MAPK6: variants seen among roughly 807,000 people sequenced by gnomAD.
The protein encoded by MAPK6 is mitogen-activated protein kinase 6.
In MAPK6, 19 loss-of-function variants were observed where a neutral mutation model predicts 59.3. That is an observed-to-expected ratio of 0.32 (90% CI 0.22 to 0.47). The LOEUF is 0.47. Ranked by LOEUF, MAPK6 falls within the 20% of genes least tolerant of loss-of-function variation. The pLI is 1.00. For missense variants in MAPK6, 724 were observed against 847.9 expected (o/e 0.85, Z 1.81); for synonymous variants, 316 against 290.3 (o/e 1.09, Z -0.90).
At chr15:52,011,113 T>C (rs973636896) in intron 3 of MAPK6, 1 of 152,220 alleles carries the variant, frequency 6.6e-6, no homozygotes, top group Non-Finnish European at 1.5e-5. Flanking sequence ...ACGAGATACT[T>C]GAGTCACCCT....
rs60965378 is a variant in MAPK6 at position 52,049,351 on chromosome 15, A to ATT, written c.556-618_556-617dup. 4.1e-3 allele frequency among the ~76,000 whole-genome samples: 454 copies of ATT among 109,704 alleles called. 5 individuals are homozygous for ATT. The highest frequency in any genetic ancestry group is 0.015 in the African/African-American group (423 of 28,752). 72.0% of individuals were successfully genotyped at this position (109,704 alleles called of 152,430 possible). A position where few individuals can be genotyped will look rare whatever the true frequency, so the allele number is the denominator to read the frequency against. On this transcript the variant is annotated intron_variant, in intron 2 of 5. Coordinates refer to ENST00000261845, the MANE Select transcript of MAPK6 (RefSeq NM_002748.4). ...TGAATGTGTGGCCTAGAGTTATATA[A>ATT]TTTTTTTTTTTTTTTTTTTTTTTTT...
In MAPK6 at chr15:52,053,603, GTTGA is replaced by G. The variant is rs1195345700; in HGVS notation, c.700+3486_700+3489del. On this transcript the variant is annotated intron_variant, in intron 3 of 5. Transcript: ENST00000261845. ...CTTTTGAAACAAGATTGATTGATTG[GTTGA>G]TTGATTGATTGATTGATTGGTTGAT... Among the ~76,000 whole-genome samples, 11 of 16,654 alleles carry G rather than the reference GTTGA, an allele frequency of 6.6e-4. No homozygotes were observed. The East Asian group carries it at 0.038, about 58-fold the overall frequency. The allele number at this position is 16,654 out of a possible 152,430, so 10.9% of individuals were successfully genotyped here. A position where few individuals can be genotyped will look rare whatever the true frequency, so the allele number is the denominator to read the frequency against.
intron 1 of MAPK6, among the ~76,000 whole-genome samples, chr15:51,978,786 A>G (rs2057164517): frequency 6.6e-6 from 1 of 151,852 alleles, no homozygotes; most frequent in East Asian, 1.9e-4. Context: ...CAACAACCCT[A>G]TAACATAGAT....
chr15:51,975,420 A>G (rs920537104), intron 1 of MAPK6, among the ~76,000 whole-genome samples: 1 of 151,584 alleles, frequency 6.6e-6, no homozygotes, highest in African/African-American at 2.4e-5. Context: ...ATGCACCTGT[A>G]GTCCCAGCTA....
At chr15:52,055,596 A>ACCT (rs1260150420) in intron 3 of MAPK6, among the ~76,000 whole-genome samples, 1 of 151,604 alleles carries the variant, frequency 6.6e-6, no homozygotes, top group African/African-American at 2.4e-5. Flanking sequence ...GCTAACTGAA[A>ACCT]CCTCCTCCTC....
chr15:51,983,575 C>G (rs1045064735), intron 2 of MAPK6, among the ~76,000 whole-genome samples: 1 of 152,018 alleles, frequency 6.6e-6, no homozygotes, highest in Admixed American at 6.6e-5. Context: ...TTTGGGAGGC[C>G]TAGGTGGGTG....
chr15:52,022,833 G>A (rs1004782551), intron 1 of MAPK6, among the ~76,000 whole-genome samples: 1 of 152,006 alleles, frequency 6.6e-6, no homozygotes, highest in Non-Finnish European at 1.5e-5. Context: ...AACTGAGGCC[G>A]GGGGCAGTGG....
intron 1 of MAPK6, among the ~76,000 whole-genome samples, chr15:52,021,302 G>A (rs2030517976): frequency 6.6e-6 from 1 of 151,220 alleles, no homozygotes; most frequent in African/African-American, 2.4e-5. Context: ...AAGCTTACAA[G>A]TGCTGCTGCA....
chr15:52,047,074 G>GGT, intron 2 of MAPK6, 59 bp downstream of exon 2: 2 of 1,230,036 alleles, frequency 1.6e-6, no homozygotes, highest in Non-Finnish European at 2.2e-6. Context: ...ATCAGGAATA[G>GGT]GTACTTATAT....
At chr15:51,976,745 C>G (rs1278564116) in intron 1 of MAPK6, among the ~76,000 whole-genome samples, 2 of 151,414 alleles carry the variant, frequency 1.3e-5, no homozygotes, top group Non-Finnish European at 2.9e-5. Context: ...GAGTTCAAGA[C>G]CAGCCTGACC....
intron 1 of MAPK6, among the ~76,000 whole-genome samples, chr15:52,023,592 C>G (rs770998038): frequency 6.6e-6 from 1 of 152,182 alleles, no homozygotes; most frequent in Non-Finnish European, 1.5e-5. Flanking sequence ...TAATGTGTGT[C>G]TCTCTAAGAG....
chr15:52,037,910 C>T (rs1215817627), intron 1 of MAPK6, among the ~76,000 whole-genome samples: 10 of 152,092 alleles, frequency 6.6e-5, no homozygotes, highest in Non-Finnish European at 1.0e-4. Context: ...CCCAAAGCTA[C>T]TTAGTCCCAA....
intron 1 of MAPK6, among the ~76,000 whole-genome samples, chr15:52,039,882 A>T (rs1234323873): frequency 6.6e-6 from 1 of 152,164 alleles, no homozygotes; most frequent in Non-Finnish European, 1.5e-5. Context: ...GTCTCTGTAG[A>T]TAAGCATAGT....
At chr15:52,023,773 A>G (rs1268398489) in intron 1 of MAPK6, among the ~76,000 whole-genome samples, 1 of 152,088 alleles carries the variant, frequency 6.6e-6, no homozygotes, top group African/African-American at 2.4e-5. Context: ...CACCATGACC[A>G]GCTAATTTTT....
At chr15:52,041,069 A>T (rs551794779) in intron 1 of MAPK6, among the ~76,000 whole-genome samples, 104 of 152,324 alleles carry the variant, frequency 6.8e-4, no homozygotes, top group African/African-American at 2.5e-3. Flanking sequence ...AATTGGAAAG[A>T]TGCTGGAAAG....
chr15:52,024,935 C>T (rs1234468997), intron 1 of MAPK6, among the ~76,000 whole-genome samples: 2 of 135,178 alleles, frequency 1.5e-5, no homozygotes, highest in Admixed American at 8.4e-5. Context: ...TGCCCATGCT[C>T]GTCTCAAACT....
At chr15:52,057,109 A>T (rs1029671154) in intron 3 of MAPK6, 1 of 151,694 alleles carries the variant, frequency 6.6e-6, no homozygotes, top group East Asian at 1.9e-4. Context: ...TTCAAACTAT[A>T]TCCAGACTCT....
intron 2 of MAPK6, among the ~76,000 whole-genome samples, chr15:51,994,258 C>T (rs2057218318): frequency 6.6e-6 from 1 of 152,120 alleles, no homozygotes; most frequent in Non-Finnish European, 1.5e-5. Flanking sequence ...CCGCGCCTGG[C>T]CAGCTCTTGG....
intron 1 of MAPK6, among the ~76,000 whole-genome samples, chr15:52,029,575 T>G (rs1306440233): frequency 1.3e-5 from 2 of 152,210 alleles, no homozygotes; most frequent in Non-Finnish European, 2.9e-5. Flanking sequence ...AGTAACCTAG[T>G]AGGCAGTTGT....
Sources: allele counts gnomAD v4.1 joint callset (sites outside exome capture counted in the v4.1 genomes callset), GRCh38; gene constraint gnomAD v4.1.1; transcripts MANE v1.5; gene names NCBI Gene and HGNC (gene_info 2026-07-23, HGNC 2026-07-21).